The following BANF2 variants were observed in gnomAD, a reference collection of about 807,000 sequenced individuals.
BANF2 encodes BANF family member 2, also known as barrier-to-autointegration factor-like protein.
Under a neutral mutation model 8.0 loss-of-function variants are expected in BANF2, and 4 were observed. The observed-to-expected ratio is 0.50, with a 90% confidence interval of 0.25 to 1.14. The LOEUF is 1.14. BANF2 is among the 50% of genes most tolerant of loss of function. BANF2 has a pLI of 0.16. For synonymous variants in BANF2, 50 were observed against 40.6 expected (o/e 1.23, Z -0.88); for missense variants, 96 against 107.5 (o/e 0.89, Z 0.47).
chr20:17,715,351 A>T (rs2037636572), intron 1 of BANF2, among the ~76,000 whole-genome samples: 1 of 152,196 alleles, frequency 6.6e-6, no homozygotes, highest in Admixed American at 6.5e-5. Flanking sequence ...CTGAGGGTTC[A>T]TGCACTTAGC....
intron 1 of BANF2, among the ~76,000 whole-genome samples, chr20:17,711,973 C>T (rs1311715634): frequency 6.6e-6 from 1 of 152,230 alleles, no homozygotes; most frequent in Non-Finnish European, 1.5e-5. Context: ...CTCCTCCGTC[C>T]TTCCTAAAGA....
At chr20:17,733,371 C>A (rs761335754) in intron 3 of BANF2, among the ~76,000 whole-genome samples, 7 of 152,162 alleles carry the variant, frequency 4.6e-5, no homozygotes, top group African/African-American at 1.7e-4. Context: ...TCTAGCAGCA[C>A]GTGGCCGACA....
intron 1 of BANF2, among the ~76,000 whole-genome samples, chr20:17,710,239 G>A (rs2037549605): frequency 6.6e-6 from 1 of 152,194 alleles, no homozygotes. Flanking sequence ...GGGGGGACAT[G>A]GGCAGGGCAG....
intron 1 of BANF2, among the ~76,000 whole-genome samples, chr20:17,711,587 G>A (rs2037574190): frequency 6.6e-6 from 1 of 152,154 alleles, no homozygotes; most frequent in African/African-American, 2.4e-5. Flanking sequence ...CTGACCCCCT[G>A]GGGGGCTCTG....
intron 1 of BANF2, among the ~76,000 whole-genome samples, chr20:17,694,601 C>CTTTTT (rs869067650): frequency 0.012 from 315 of 26,752 alleles, 13 homozygotes; most frequent in African/African-American, 0.018. Flanking sequence ...TTTTCTCTCT[C>CTTTTT]TTTTTTTTTT....
intron 3 of BANF2, among the ~76,000 whole-genome samples, chr20:17,730,564 T>C (rs1273428892): frequency 6.6e-6 from 1 of 152,224 alleles, no homozygotes; most frequent in Non-Finnish European, 1.5e-5. Context: ...CTCTCTCGCA[T>C]GCCGGCAGCC....
chr20:17,712,694 G>A (rs577410358), intron 1 of BANF2, among the ~76,000 whole-genome samples: 101 of 152,136 alleles, frequency 6.6e-4, no homozygotes, highest in African/African-American at 2.3e-3. Context: ...TGTCTTCTGG[G>A]GAAACTCCTT....
At chr20:17,732,849 C>G (rs528832461) in intron 3 of BANF2, among the ~76,000 whole-genome samples, 4 of 152,278 alleles carry the variant, frequency 2.6e-5, no homozygotes, top group South Asian at 4.1e-4. Flanking sequence ...CATCTTTTCT[C>G]CTTGATTAGG....
chr20:17,709,787 T>G (rs948642276), intron 1 of BANF2, among the ~76,000 whole-genome samples: 2 of 152,204 alleles, frequency 1.3e-5, no homozygotes, highest in Non-Finnish European at 2.9e-5. Flanking sequence ...ATAGAAGCTA[T>G]CTCATCCCAA....
intron 1 of BANF2, among the ~76,000 whole-genome samples, chr20:17,711,969 C>T (rs573452115): frequency 7.2e-5 from 11 of 152,338 alleles, no homozygotes; most frequent in African/African-American, 2.2e-4. Flanking sequence ...GCCCCTCCTC[C>T]GTCCTTCCTA....
At chr20:17,717,950 T>C (rs2037679421) in intron 1 of BANF2, among the ~76,000 whole-genome samples, 2 of 152,190 alleles carry the variant, frequency 1.3e-5, no homozygotes, top group Non-Finnish European at 2.9e-5. Context: ...CCAAAAATGC[T>C]TTTTGGCCAC....
chr20:17,735,606 G>A (rs1017621650), intron 3 of BANF2, 59 bp from the exon 4 acceptor site: 45 of 1,555,868 alleles, frequency 2.9e-5, no homozygotes, highest in South Asian at 1.7e-4. Flanking sequence ...GGAAGAGCGC[G>A]TCTGAGCTGG....
chr20:17,719,136 T>C (rs1361432876), intron 1 of BANF2, among the ~76,000 whole-genome samples: 1 of 152,084 alleles, frequency 6.6e-6, no homozygotes, highest in Non-Finnish European at 1.5e-5. Flanking sequence ...TTTCGTTTTG[T>C]TTTTTGAGAT....
intron 1 of BANF2, among the ~76,000 whole-genome samples, chr20:17,719,288 C>G (rs2122615672): frequency 6.6e-6 from 1 of 152,194 alleles, no homozygotes; most frequent in East Asian, 1.9e-4. Context: ...CCACGCCCAG[C>G]TAATTTTTTT....
At chr20:17,697,910 G>C (rs1478023074), upstream of BANF2, among the ~76,000 whole-genome samples, 1 of 152,094 alleles carries the variant, frequency 6.6e-6, no homozygotes, top group Non-Finnish European at 1.5e-5. Context: ...CTGTTTAAAA[G>C]TGTGTGGTAC....
chr20:17,714,515 G>A (rs1600219484), intron 1 of BANF2, among the ~76,000 whole-genome samples: 1 of 152,226 alleles, frequency 6.6e-6, no homozygotes, highest in Non-Finnish European at 1.5e-5. Context: ...GGGAGACAGA[G>A]TCATGGGACA....
intron 1 of BANF2, among the ~76,000 whole-genome samples, chr20:17,721,398 CTTTT>C (rs753833970): frequency 5.3e-5 from 1 of 18,748 alleles, no homozygotes; most frequent in African/African-American, 2.5e-4. Flanking sequence ...TTCTTTCTTT[CTTTT>C]TTTTTTTAAG....
chr20:17,713,843 AAAAT>A (rs553290411), intron 1 of BANF2, among the ~76,000 whole-genome samples: 3 of 151,940 alleles, frequency 2.0e-5, no homozygotes, highest in African/African-American at 4.8e-5. Flanking sequence ...TCAAAAATAA[AAAAT>A]AAATAAATAA....
chr20:17,718,994 T>A (rs1357689242), intron 1 of BANF2, among the ~76,000 whole-genome samples: 1 of 152,230 alleles, frequency 6.6e-6, no homozygotes, highest in Admixed American at 6.5e-5. Flanking sequence ...GTGCTTAAGC[T>A]GTCCATAATG....
Sources: allele counts gnomAD v4.1 joint callset (sites outside exome capture counted in the v4.1 genomes callset), GRCh38; gene constraint gnomAD v4.1.1; transcripts MANE v1.5; gene names NCBI Gene and HGNC (gene_info 2026-07-23, HGNC 2026-07-21).